Variants in SPATA21 observed in about 807,000 individuals in gnomAD.
SPATA21 encodes the protein spermatogenesis associated 21, also known as spermatogenesis-associated protein 21.
SPATA21 carries 47 observed loss-of-function variants against 54.8 expected under a neutral mutation model. That is an observed-to-expected ratio of 0.86 (90% CI 0.68 to 1.09). The LOEUF (loss-of-function observed/expected upper bound fraction) is 1.09. Among genes scored for constraint, SPATA21 ranks in the 50% least tolerant of loss-of-function variants. SPATA21 has a pLI of 0.00. For synonymous variants in SPATA21, 245 were observed against 235.3 expected (o/e 1.04, Z -0.38); for missense variants, 599 against 596.4 (o/e 1.00, Z -0.05).
In SPATA21 at chr1:16,400,729, G is replaced by A. The variant is rs945282589; in HGVS notation, c.1165C>T (p.Gln389Ter). The stretch of plus-strand genomic sequence containing the variant: ...TGCCCAGGGCCCTCACCATAGTTCT[G>A]CTGCTTCAGCCGGCTCAGGATACTG... The part of the protein sequence containing the change: ...VLSILSRLKQ[Q>*]NYAPNLQSPY... The change falls in exon 11 of 13, where the codon CAG (glutamine) becomes TAG (stop). Residue 389 changes from glutamine to a stop codon, truncating the protein, a stop_gained. Coordinates refer to ENST00000335496, the MANE Select transcript of SPATA21 (RefSeq NM_198546.1). LOFTEE classifies it high-confidence loss of function. The A allele has an allele frequency of 6.2e-6, 10 of 1,612,880 alleles. No individual in the cohort carries two copies. Among genetic ancestry groups the A allele is most frequent in the Middle Eastern group, 1.6e-4 (1 of 6,074 alleles).
downstream of SPATA21, chr1:16,396,056 T>G (rs1028849977): frequency 5.2e-5 from 8 of 152,654 alleles, no homozygotes; most frequent in African/African-American, 1.9e-4. Context: ...TTACTACTTC[T>G]AGAAGAAAGC....
At chr1:16,410,088 G>T in intron 5 of SPATA21, 45 bp from the exon 6 acceptor site, 1 of 1,448,996 alleles carries the variant, frequency 6.9e-7, no homozygotes, top group Non-Finnish European at 9.3e-7. Flanking sequence ...GTGGGCCAGA[G>T]TGTCCCACAA....
Position 16,427,865 on chromosome 1 carries a change from C to G in SPATA21, c.34+3473G>C, listed in dbSNP as rs983278411. The G allele has an allele frequency of 3.2e-6, 5 of 1,547,452 alleles. No homozygotes were observed. The African/African-American group carries it at 5.5e-5, about 17-fold the overall frequency. On this transcript the variant is annotated intron_variant, in intron 3 of 12. Transcript: ENST00000335496. The stretch of plus-strand genomic sequence containing the variant: ...TCTCTCGAGAGCCCCTCAGCTCACC[C>G]TGGTCTTGCTGGAGGCCCCTGCTCC...
rs2086157653 is a variant in SPATA21, at chr1:16,421,105, C to A, written c.144+404G>T. Among the ~76,000 whole-genome samples the A allele has an allele frequency of 6.6e-6, 1 of 151,884 alleles. No individual in the cohort carries two copies. Among genetic ancestry groups the A allele is most frequent in the Non-Finnish European group, 1.5e-5 (1 of 67,964 alleles). On this transcript the variant is annotated intron_variant, in intron 5 of 12. Coordinates refer to ENST00000335496, the MANE Select transcript of SPATA21 (RefSeq NM_198546.1). The surrounding 1 kb of genome is among the most constrained non-coding windows in gnomAD (Gnocchi z 5.2). ...GTCAGGTCAAAGAACTAGGAAGTGG[C>A]AGAGCTTGGGGAGGGAAGGATGGCT...
At chr1:16,405,511 A>AAAAAAAC (rs1557647477) in intron 7 of SPATA21, among the ~76,000 whole-genome samples, 3 of 147,364 alleles carry the variant, frequency 2.0e-5, no homozygotes, top group Non-Finnish European at 3.0e-5. Flanking sequence ...AAAAAAAAAA[A>AAAAAAAC]AAAACTGGGC....
downstream of SPATA21, chr1:16,397,668 C>G (rs1458060064): frequency 5.9e-5 from 9 of 152,364 alleles, no homozygotes; most frequent in Non-Finnish European, 1.3e-4. This position sits in a 1 kb window ranked among gnomAD's most constrained non-coding sequence, Gnocchi z 5.4. Flanking sequence ...CTGATGTCAG[C>G]CTATAACCAA....
chr1:16,425,558 C>A, intron 3 of SPATA21: 1 of 1,549,548 alleles, frequency 6.5e-7, no homozygotes, highest in South Asian at 1.2e-5. Flanking sequence ...CTCCCCGATT[C>A]CCCGGTTCCG....
At chr1:16,426,703 C>A (rs1004222084) in intron 3 of SPATA21, among the ~76,000 whole-genome samples, 1 of 150,954 alleles carries the variant, frequency 6.6e-6, no homozygotes, top group Non-Finnish European at 1.5e-5. Context: ...GCCTCAGCCT[C>A]CCAAGTAGCT....
rs763739938 is a variant in SPATA21 at position 16,398,797 on chromosome 1, A to G, written c.1378T>C (p.Trp460Arg). ...NREHNSDSRK[W>R]LSSVPARTH is the part of the protein sequence containing the mutation. ...GTTCGAGCTGGCACAGAGCTGAGCC[A>G]CTTTCTGCTGTCAGAGTTGTGTTCC... is the stretch of plus-strand genomic sequence containing the variant. The change falls in exon 13 of 13, where the codon TGG (tryptophan) becomes CGG (arginine). Residue 460 changes from tryptophan to arginine, a missense_variant. Transcript: ENST00000335496. 22 of 1,613,540 alleles carry G rather than the reference A, an allele frequency of 1.4e-5. No individual in the cohort carries two copies. Among genetic ancestry groups the G allele is most frequent in the Non-Finnish European group, 1.8e-5 (21 of 1,179,742 alleles).
chr1:16,431,441 C>A lies in SPATA21; in HGVS notation c.-51-19G>T. The A allele has an allele frequency of 1.3e-6, 2 of 1,598,358 alleles. No homozygotes were observed. Among genetic ancestry groups the A allele is most frequent in the South Asian group, 1.1e-5 (1 of 88,254 alleles). On this transcript the variant is annotated intron_variant, in intron 2 of 12. Coordinates refer to ENST00000335496, the MANE Select transcript of SPATA21 (RefSeq NM_198546.1). ...TGTGCTCCTACAGGAGAAATCCAATCAAGCGTCCCACCAAGCCCATCACCT... is the reference window on the plus strand; with the variant it reads ...TGTGCTCCTACAGGAGAAATCCAATAAAGCGTCCCACCAAGCCCATCACCT...
rs536966734 is a variant in SPATA21, at chr1:16,421,641, A to G, written c.96-84T>C. Reference sequence around the variant, plus strand: ...GCCCTCCCCTCTCAGCCCCCAGGACACTCAGTTCCACCCCAGCCTCATCCC... The same window carrying G: ...GCCCTCCCCTCTCAGCCCCCAGGACGCTCAGTTCCACCCCAGCCTCATCCC... On this transcript the variant is annotated intron_variant, in intron 4 of 12. Coordinates refer to ENST00000335496, the MANE Select transcript of SPATA21 (RefSeq NM_198546.1). The surrounding 1 kb of genome is among the most constrained non-coding windows in gnomAD (Gnocchi z 5.2). 7.2e-7 allele frequency: 1 copy of G among 1,389,136 alleles called. No homozygotes were observed. Among genetic ancestry groups the G allele is most frequent in the African/African-American group, 1.4e-5 (1 of 69,860 alleles). 86.1% of individuals were successfully genotyped at this position (1,389,136 alleles called of 1,614,324 possible). A position where few individuals can be genotyped will look rare whatever the true frequency, so the allele number is the denominator to read the frequency against.
At chr1:16,403,262 A>G (rs551799857) in intron 10 of SPATA21, among the ~76,000 whole-genome samples, 5 of 152,212 alleles carry the variant, frequency 3.3e-5, no homozygotes, top group African/African-American at 1.2e-4. Context: ...CTCTTGCTGC[A>G]CTAGGAGGGT....
chr1:16,429,013 G>T (rs1172861231), intron 3 of SPATA21, among the ~76,000 whole-genome samples: 1 of 152,124 alleles, frequency 6.6e-6, no homozygotes, highest in East Asian at 1.9e-4. Context: ...ATGGGTGGAT[G>T]AAGGAAGCCC....
intron 5 of SPATA21, among the ~76,000 whole-genome samples, chr1:16,411,808 A>C (rs914724766): frequency 9.8e-5 from 8 of 81,526 alleles, no homozygotes; most frequent in South Asian, 3.0e-4. Flanking sequence ...AAAAAAAAAA[A>C]CAAAACAAAA....
intron 5 of SPATA21, among the ~76,000 whole-genome samples, chr1:16,417,824 C>A (rs1288518537): frequency 6.6e-6 from 1 of 152,206 alleles, no homozygotes; most frequent in African/African-American, 2.4e-5. Flanking sequence ...CCCACCTCAG[C>A]CTCCTAAAGT....
downstream of SPATA21, chr1:16,398,054 C>G (rs578144350): frequency 1.1e-6 from 1 of 888,468 alleles, no homozygotes; most frequent in African/African-American, 1.8e-5. Context: ...GGGCAGCTGC[C>G]CACTCCCACC....
chr1:16,403,483 C>CTTTTTCTTTTTTTTTT (rs2085517813), intron 10 of SPATA21, among the ~76,000 whole-genome samples: 1 of 117,118 alleles, frequency 8.5e-6, no homozygotes, highest in African/African-American at 2.9e-5. Flanking sequence ...TAGTTTTTTT[C>CTTTTTCTTTTTTTTTT]TTTTTTTTCT....
At chr1:16,423,986 GA>G (rs1470255721) in intron 3 of SPATA21, among the ~76,000 whole-genome samples, 1 of 151,784 alleles carries the variant, frequency 6.6e-6, no homozygotes, top group African/African-American at 2.4e-5. Flanking sequence ...AGACTAGTGG[GA>G]GGGGGGATGA....
intron 5 of SPATA21, among the ~76,000 whole-genome samples, chr1:16,415,980 C>T (rs1055281112): frequency 1.3e-5 from 2 of 152,208 alleles, no homozygotes; most frequent in Non-Finnish European, 2.9e-5. Context: ...AACCCTCACA[C>T]ACCTGGATTC....
Sources: allele counts gnomAD v4.1 joint callset (sites outside exome capture counted in the v4.1 genomes callset), GRCh38; gene constraint gnomAD v4.1.1; non-coding constraint Gnocchi (gnomAD v3.1); transcripts MANE v1.5; gene names NCBI Gene and HGNC (gene_info 2026-07-23, HGNC 2026-07-21).